ZBTB8A: variants seen among roughly 807,000 people sequenced by gnomAD.
ZBTB8A encodes zinc finger and BTB domain containing 8A, also known as zinc finger and BTB domain-containing protein 8A.
A neutral mutation model predicts 37.8 loss-of-function variants in ZBTB8A; 19 were observed. The ratio of observed to expected loss-of-function variants is 0.50; its 90% confidence interval spans 0.35 to 0.74. The LOEUF is 0.74. Ranked by LOEUF, ZBTB8A falls within the 30% of genes least tolerant of loss-of-function variation. ZBTB8A has a pLI of 0.01. For missense variants in ZBTB8A, 394 were observed against 537.8 expected (o/e 0.73, Z 2.65); for synonymous variants, 181 against 185.2 (o/e 0.98, Z 0.19).
chr1:32,557,056 C>T (rs2148221636), intron 2 of ZBTB8A, among the ~76,000 whole-genome samples: 1 of 152,238 alleles, frequency 6.6e-6, no homozygotes, highest in African/African-American at 2.4e-5. Context: ...AATCCCATCA[C>T]TTTGGGAGTC....
rs1373683154 is a variant in ZBTB8A, at chr1:32,560,668, G to A, written c.-2+7128G>A. ...ATGTAGTCTCACTCTCACCCAGGCT[G>A]GAGAAGTTCAGTGGTGCAACTTCAG... On this transcript the variant is annotated intron_variant, in intron 2 of 4. Coordinates refer to ENST00000373510, the MANE Select transcript of ZBTB8A (RefSeq NM_001040441.3). Among the ~76,000 whole-genome samples the A allele has an allele frequency of 2.0e-4, 26 of 129,654 alleles. 1 individual carries two copies. The Admixed American group carries it at 2.1e-3, about 11-fold the overall frequency. 85.1% of individuals were successfully genotyped at this position (129,654 alleles called of 152,430 possible). A position where few individuals can be genotyped will look rare whatever the true frequency, so the allele number is the denominator to read the frequency against.
intron 2 of ZBTB8A, among the ~76,000 whole-genome samples, chr1:32,557,756 G>A (rs186257354): frequency 4.9e-4 from 74 of 152,188 alleles, no homozygotes; most frequent in African/African-American, 1.5e-3. Flanking sequence ...AAGCCACCGC[G>A]CCTGGTCCAT....
intron 2 of ZBTB8A, among the ~76,000 whole-genome samples, chr1:32,556,873 C>G (rs992175965): frequency 6.6e-6 from 1 of 150,966 alleles, no homozygotes; most frequent in Non-Finnish European, 1.5e-5. Context: ...AAGACTCTGT[C>G]TCAACAAAAA....
At chr1:32,548,538 T>C (rs1366818090) in intron 1 of ZBTB8A, among the ~76,000 whole-genome samples, 2 of 152,256 alleles carry the variant, frequency 1.3e-5, no homozygotes, top group South Asian at 2.1e-4. Context: ...TTTGCCATGT[T>C]GGCCAGGCTG....
chr1:32,563,974 C>T (rs1644262156), intron 2 of ZBTB8A, among the ~76,000 whole-genome samples: 1 of 152,112 alleles, frequency 6.6e-6, no homozygotes, highest in African/African-American at 2.4e-5. Context: ...TGTATTTTGA[C>T]ATTATGCAAA....
intron 2 of ZBTB8A, among the ~76,000 whole-genome samples, chr1:32,568,359 TC>T (rs910438010): frequency 4.6e-5 from 7 of 152,096 alleles, no homozygotes; most frequent in African/African-American, 1.7e-4. Context: ...AACTGTAATC[TC>T]CCTTACGTGA....
intron 1 of ZBTB8A, among the ~76,000 whole-genome samples, chr1:32,549,796 A>T (rs1236586628): frequency 1.3e-5 from 2 of 152,328 alleles, no homozygotes; most frequent in Admixed American, 1.3e-4. Context: ...AACTCCTACC[A>T]AATAGTGACT....
intron 4 of ZBTB8A, among the ~76,000 whole-genome samples, chr1:32,598,202 A>G (rs1011819456): frequency 1.3e-5 from 2 of 148,478 alleles, no homozygotes; most frequent in African/African-American, 5.0e-5. Flanking sequence ...ATATTTTACC[A>G]GACTGTATTA....
At chr1:32,556,313 T>C (rs1267963911) in intron 2 of ZBTB8A, among the ~76,000 whole-genome samples, 1 of 151,748 alleles carries the variant, frequency 6.6e-6, no homozygotes, top group African/African-American at 2.4e-5. Context: ...CGTGATCCAC[T>C]CACCTCAGCC....
At chr1:32,543,193 C>T (rs536257467) in intron 1 of ZBTB8A, among the ~76,000 whole-genome samples, 1 of 152,058 alleles carries the variant, frequency 6.6e-6, no homozygotes, top group Non-Finnish European at 1.5e-5. Flanking sequence ...AAGCAATTCT[C>T]CTACCTCAGC....
At chr1:32,542,058 G>A (rs1570301018) in intron 1 of ZBTB8A, among the ~76,000 whole-genome samples, 1 of 152,134 alleles carries the variant, frequency 6.6e-6, no homozygotes, top group Non-Finnish European at 1.5e-5. Context: ...TAACCCCATC[G>A]TCAGTTGAAG....
rs112092253 is a variant in ZBTB8A, at chr1:32,581,644, C to G, written c.-1-11287C>G. On this transcript the variant is annotated intron_variant, in intron 2 of 4. Transcript: ENST00000373510. Reference sequence around the variant, plus strand: ...TAGGATTACAGGCGTGAGCCACCGTCCCCAGCCTGCAAAAGTATTTGTTGC... The same window carrying G: ...TAGGATTACAGGCGTGAGCCACCGTGCCCAGCCTGCAAAAGTATTTGTTGC... Among the ~76,000 whole-genome samples the G allele has an allele frequency of 3.0e-3, 454 of 151,998 alleles. 2 individuals are homozygous for G. The highest frequency in any genetic ancestry group is 0.01 in the African/African-American group (431 of 41,478).
intron 2 of ZBTB8A, among the ~76,000 whole-genome samples, chr1:32,579,108 C>G (rs1644384337): frequency 6.6e-6 from 1 of 152,000 alleles, no homozygotes; most frequent in Non-Finnish European, 1.5e-5. Flanking sequence ...CTACTTTATG[C>G]CCTGGATGTT....
intron 2 of ZBTB8A, among the ~76,000 whole-genome samples, chr1:32,586,747 G>C (rs55652000): frequency 6.6e-6 from 1 of 151,946 alleles, no homozygotes; most frequent in Non-Finnish European, 1.5e-5. Context: ...GGAGCAGAGC[G>C]GTGGAGATGA....
chr1:32,559,767 A>G (rs927158218), intron 2 of ZBTB8A, among the ~76,000 whole-genome samples: 4 of 152,130 alleles, frequency 2.6e-5, no homozygotes, highest in Non-Finnish European at 4.4e-5. Flanking sequence ...GCGTGGCACA[A>G]TGTGGCAGTA....
At chr1:32,551,383 C>CT (rs1235259352) in intron 1 of ZBTB8A, among the ~76,000 whole-genome samples, 1 of 151,980 alleles carries the variant, frequency 6.6e-6, no homozygotes, top group Non-Finnish European at 1.5e-5. Flanking sequence ...GGTCACACCA[C>CT]TGCATTCCAG....
chr1:32,545,254 A>T (rs935621307), intron 1 of ZBTB8A, among the ~76,000 whole-genome samples: 4 of 152,204 alleles, frequency 2.6e-5, no homozygotes, highest in South Asian at 4.1e-4. Flanking sequence ...AAAAAATTTT[A>T]AAAAATTATT....
rs1478479790 is a variant in ZBTB8A, at chr1:32,541,100, TAACTC to T, written c.-84+1530_-84+1534del. Among the ~76,000 whole-genome samples the T allele has an allele frequency of 5.3e-5, 8 of 151,864 alleles. 1 individual carries two copies. Among genetic ancestry groups the T allele is most frequent in the African/African-American group, 9.7e-5 (4 of 41,154 alleles). ...TTTAGATAAAACTGTGTAATAGACT[TAACTC>T]AGTGACACAATGATATGTTAATCAT... On this transcript the variant is annotated intron_variant, in intron 1 of 4. Transcript: ENST00000373510.
intron 1 of ZBTB8A, among the ~76,000 whole-genome samples, chr1:32,552,754 T>C (rs1644167221): frequency 6.6e-6 from 1 of 151,776 alleles, no homozygotes; most frequent in South Asian, 2.1e-4. Context: ...AACTTTAATA[T>C]TAAGATTGAG....
Sources: allele counts gnomAD v4.1 joint callset (sites outside exome capture counted in the v4.1 genomes callset), GRCh38; gene constraint gnomAD v4.1.1; transcripts MANE v1.5; gene names NCBI Gene and HGNC (gene_info 2026-07-23, HGNC 2026-07-21).